DLG2: variants seen among roughly 807,000 people sequenced by gnomAD.
The protein encoded by DLG2 is discs large MAGUK scaffold protein 2.
In DLG2, 45 loss-of-function variants were observed where a neutral mutation model predicts 132.5. The observed-to-expected ratio is 0.34, with a 90% confidence interval of 0.27 to 0.44. The LOEUF (loss-of-function observed/expected upper bound fraction) is 0.44. Among genes scored for constraint, DLG2 ranks in the 20% least tolerant of loss-of-function variants. The pLI, the probability that DLG2 is intolerant of heterozygous loss-of-function variation, is 1.00. For synonymous variants in DLG2, 424 were observed against 419.6 expected, an observed-to-expected ratio of 1.01 and a Z score of -0.13; for missense variants, 1,045 against 1,196.9, an observed-to-expected ratio of 0.87 and a Z score of 1.87.
intron 6 of DLG2, among the ~76,000 whole-genome samples, chr11:84,568,236 C>T (rs936266318): frequency 4.6e-5 from 7 of 152,176 alleles, no homozygotes; most frequent in Admixed American, 1.3e-4. Context: ...TGGCTGAGTA[C>T]GTTGGCTCAC....
At chr11:83,894,995 C>T (rs1436865871) in intron 15 of DLG2, among the ~76,000 whole-genome samples, 1 of 152,072 alleles carries the variant, frequency 6.6e-6, no homozygotes, top group African/African-American at 2.4e-5. Context: ...CCATGAAAAA[C>T]AATATGAAAT....
At chr11:85,280,991 A>T (rs1462828212) in intron 4 of DLG2, among the ~76,000 whole-genome samples, 3 of 152,046 alleles carry the variant, frequency 2.0e-5, no homozygotes, top group Admixed American at 6.6e-5. Flanking sequence ...TCAACAACAT[A>T]TTACAGGTTA....
intron 4 of DLG2, among the ~76,000 whole-genome samples, chr11:85,201,713 A>T (rs537648530): frequency 2.5e-4 from 38 of 152,344 alleles, no homozygotes; most frequent in Admixed American, 5.2e-4. Flanking sequence ...CATCAAGAAC[A>T]TTCAGGGAAA....
intron 6 of DLG2, among the ~76,000 whole-genome samples, chr11:84,872,218 G>A (rs1211708519): frequency 6.6e-6 from 1 of 152,184 alleles, no homozygotes; most frequent in Non-Finnish European, 1.5e-5. Context: ...AGGAATGGAA[G>A]TAGATTCCTA....
intron 11 of DLG2, among the ~76,000 whole-genome samples, chr11:84,005,369 A>G (rs571823253): frequency 6.6e-6 from 1 of 152,132 alleles, no homozygotes; most frequent in African/African-American, 2.4e-5. Context: ...AAAGCCTTAA[A>G]TGGAAGGCCT....
intron 3 of DLG2, among the ~76,000 whole-genome samples, chr11:85,595,011 G>C (rs1257830485): frequency 6.9e-6 from 1 of 145,176 alleles, no homozygotes; most frequent in African/African-American, 2.6e-5. Context: ...GTTGCAGTGA[G>C]CCGATATCGC....
chr11:84,317,430 C>T, intron 7 of DLG2: 2 of 1,189,658 alleles, frequency 1.7e-6, no homozygotes, highest in South Asian at 4.0e-5. Context: ...ATGCTCCACA[C>T]AGCTGGGCTA....
chr11:83,826,023 G>T (rs915257491), intron 17 of DLG2, among the ~76,000 whole-genome samples: 2 of 152,168 alleles, frequency 1.3e-5, no homozygotes, highest in African/African-American at 4.8e-5. Context: ...GCAGGCAGGG[G>T]CCAGACTCTG....
chr11:84,728,686 T>C (rs1322722340), intron 6 of DLG2, among the ~76,000 whole-genome samples: 1 of 152,194 alleles, frequency 6.6e-6, no homozygotes, highest in Admixed American at 6.5e-5. Context: ...TCTTTGTACC[T>C]CTGGTAGAAT....
chr11:84,554,022 C>G (rs1187995554), intron 6 of DLG2, among the ~76,000 whole-genome samples: 2 of 152,184 alleles, frequency 1.3e-5, no homozygotes, highest in Non-Finnish European at 2.9e-5. Context: ...TGCACATTCT[C>G]TATTCATCAC....
At chr11:85,309,671 A>G (rs1596131403) in intron 3 of DLG2, among the ~76,000 whole-genome samples, 2 of 152,278 alleles carry the variant, frequency 1.3e-5, no homozygotes, top group East Asian at 3.9e-4. Context: ...CACTAGAGAC[A>G]CACAAATTTA....
At position 84,761,149 on chromosome 11, in the gene DLG2, G is replaced by A. The variant is rs1277508848; in HGVS notation, c.358-226418C>T. Among the ~76,000 whole-genome samples the A allele has an allele frequency of 3.3e-5, 5 of 152,318 alleles. No individual in the cohort carries two copies. The South Asian group carries it at 8.3e-4, about 25-fold the overall frequency. ...GAAACAGCTTGGTAACACTGGGGTT[G>A]CAGGTATCCACCCCAAACTAAGTAA... On this transcript the variant is annotated intron_variant, in intron 6 of 27. Transcript: ENST00000376104.
At chr11:84,732,516 A>G (rs1236998926) in intron 6 of DLG2, among the ~76,000 whole-genome samples, 2 of 151,902 alleles carry the variant, frequency 1.3e-5, no homozygotes, top group Admixed American at 6.6e-5. Flanking sequence ...TTAATGACTC[A>G]TTGTGTTGAA....
chr11:83,753,844 CATATATATCATATATATATTTCATATAT>C (rs2093494068), intron 18 of DLG2, among the ~76,000 whole-genome samples: 1 of 8,742 alleles, frequency 1.1e-4, no homozygotes, highest in African/African-American at 5.7e-4. Context: ...TGATATATAT[CATATATATCATATATATATTTCATATAT>C]ATGATATATA....
At chr11:85,601,231 C>G (rs2080134000) in intron 2 of DLG2, among the ~76,000 whole-genome samples, 2 of 152,264 alleles carry the variant, frequency 1.3e-5, no homozygotes, top group East Asian at 1.9e-4. Flanking sequence ...TAGTCTTGAA[C>G]TCCTGACCTC....
At chr11:84,754,221 TAGA>T (rs2153836834) in intron 6 of DLG2, among the ~76,000 whole-genome samples, 1 of 152,302 alleles carries the variant, frequency 6.6e-6, no homozygotes, top group South Asian at 2.1e-4. Flanking sequence ...TGAGTGGATG[TAGA>T]AGATCTTTAT....
chr11:84,313,566 A>AGGT (rs58396729), intron 7 of DLG2, among the ~76,000 whole-genome samples: 1 of 119,958 alleles, frequency 8.3e-6, no homozygotes, highest in Non-Finnish European at 1.7e-5. Context: ...GGGAGGGAGG[A>AGGT]GAGAGAGAGA....
chr11:84,141,034 T>C (rs1281321651), intron 9 of DLG2, among the ~76,000 whole-genome samples: 1 of 152,108 alleles, frequency 6.6e-6, no homozygotes, highest in East Asian at 1.9e-4. Context: ...ATGCTTATTG[T>C]TAAGATATAA....
intron 4 of DLG2, among the ~76,000 whole-genome samples, chr11:85,242,510 G>A (rs1007949254): frequency 1.3e-5 from 2 of 150,812 alleles, no homozygotes; most frequent in Admixed American, 6.6e-5. Context: ...CTCTTTTCTG[G>A]AACTCCTGTT....
Sources: gnomAD v4.1 joint callset for allele counts (sites outside exome capture counted in the v4.1 genomes callset) on GRCh38, gnomAD v4.1.1 for gene constraint, MANE v1.5 for transcripts, NCBI Gene and HGNC (gene_info 2026-07-23, HGNC 2026-07-21) for gene names.